The following CLVS1 variants were observed in gnomAD, a reference collection of about 807,000 sequenced individuals.
The protein encoded by CLVS1 is clavesin 1, also known as clavesin-1.
In CLVS1, 10 loss-of-function variants were observed where a neutral mutation model predicts 33.1. That is an observed-to-expected ratio of 0.30 (90% CI 0.19 to 0.51). The LOEUF (loss-of-function observed/expected upper bound fraction) is 0.51, where lower values mean the gene tolerates loss of function less well. CLVS1 is among the 20% of genes least tolerant of loss of function. The pLI is 0.97. For synonymous variants in CLVS1, 163 were observed against 166.1 expected, an observed-to-expected ratio of 0.98 and a Z score of 0.14; for missense variants, 343 against 433.4, an observed-to-expected ratio of 0.79 and a Z score of 1.85.
chr8:61,329,743 G>A (rs148706510), intron 2 of CLVS1, among the ~76,000 whole-genome samples: 1 of 152,128 alleles, frequency 6.6e-6, no homozygotes, highest in Non-Finnish European at 1.5e-5. Context: ...TTATAGTTGA[G>A]TCACATTAAA....
chr8:61,251,048 G>T (rs899134775), intron 2 of CLVS1, among the ~76,000 whole-genome samples: 1 of 152,066 alleles, frequency 6.6e-6, no homozygotes, highest in Non-Finnish European at 1.5e-5. Context: ...ATTGGCTGTG[G>T]GTTTGTCATA....
At chr8:61,033,119 G>A in the CLVS1 span, among the ~76,000 whole-genome samples, 52 of 49,448 alleles carry the variant, frequency 1.1e-3, 5 homozygotes, top group Admixed American at 3.7e-3. Flanking sequence ...AAGAAGGAAG[G>A]AAGAAAGGAA....
chr8:61,485,796 G>A (rs999582786), intron 5 of CLVS1, among the ~76,000 whole-genome samples: 1 of 152,162 alleles, frequency 6.6e-6, no homozygotes, highest in African/African-American at 2.4e-5. Context: ...TCCTTTGTAG[G>A]AACATGGATG....
At chr8:61,497,763 G>T (rs1322797823) in intron 5 of CLVS1, among the ~76,000 whole-genome samples, 1 of 152,198 alleles carries the variant, frequency 6.6e-6, no homozygotes, top group Non-Finnish European at 1.5e-5. Flanking sequence ...CTACACCATA[G>T]AAAGAGCAGC....
At chr8:61,072,357 T>C (rs1332112363) in intron 1 of CLVS1, among the ~76,000 whole-genome samples, 5 of 152,242 alleles carry the variant, frequency 3.3e-5, no homozygotes, top group Admixed American at 6.5e-5. Context: ...GTGTAAAATA[T>C]GAAAAGTAAA....
In CLVS1 at chr8:61,143,298, G is replaced by A. The variant is rs563335779; in HGVS notation, c.-152+11438G>A. Among the ~76,000 whole-genome samples, 4 of 152,278 alleles carry A rather than the reference G, an allele frequency of 2.6e-5. No homozygotes were observed. In the South Asian group the frequency reaches 8.3e-4, roughly 32 times the overall value. ...GGTGACCGTACAGTCAACACAATAA[G>A]CCCCAGGATTCGCACTGTGGTCCAG... On this transcript the variant is annotated intron_variant, in intron 2 of 2. Coordinates refer to the CLVS1 transcript ENST00000522621.
the CLVS1 span, among the ~76,000 whole-genome samples, chr8:60,969,113 G>A: frequency 1.9e-4 from 29 of 152,318 alleles, no homozygotes; most frequent in African/African-American, 6.3e-4. Context: ...AAGGCACTCA[G>A]TGTACAGCCT....
chr8:61,136,616 A>G (rs1806194498), intron 2 of CLVS1, among the ~76,000 whole-genome samples: 2 of 152,214 alleles, frequency 1.3e-5, no homozygotes, highest in Admixed American at 6.5e-5. Flanking sequence ...TCTCACTTAC[A>G]TGTGGGTGCT....
In CLVS1 at chr8:61,387,569, G is replaced by A. The variant is rs144935841; in HGVS notation, c.630+10790G>A. Reference sequence around the variant, plus strand: ...TAGTGGTGATTTCTGAGATTTTGGTGCACCCATCACCCGAGCAGTGTACAC... The same window carrying A: ...TAGTGGTGATTTCTGAGATTTTGGTACACCCATCACCCGAGCAGTGTACAC... On this transcript the variant is annotated intron_variant, in intron 3 of 5. Transcript: ENST00000325897. Among the ~76,000 whole-genome samples the A allele has an allele frequency of 8.1e-3, 1,203 of 148,140 alleles. 19 individuals are homozygous for A. Among genetic ancestry groups the A allele is most frequent in the African/African-American group, 0.028 (1,128 of 40,234 alleles).
At chr8:61,302,534 A>G (rs1173435835) in intron 2 of CLVS1, among the ~76,000 whole-genome samples, 1 of 152,166 alleles carries the variant, frequency 6.6e-6, no homozygotes, top group Non-Finnish European at 1.5e-5. Context: ...AAACATATAG[A>G]TGGCTCACTC....
intron 2 of CLVS1, among the ~76,000 whole-genome samples, chr8:61,312,118 G>C (rs1810851436): frequency 6.6e-6 from 1 of 152,168 alleles, no homozygotes. Context: ...AGGAAAGCAA[G>C]TTTTGTCCCC....
At chr8:60,989,609 C>T in the CLVS1 span, among the ~76,000 whole-genome samples, 1 of 152,138 alleles carries the variant, frequency 6.6e-6, no homozygotes, top group East Asian at 1.9e-4. Context: ...TGTGCCAGGG[C>T]AAGTAATGTG....
chr8:61,397,104 A>G (rs963131645), intron 3 of CLVS1, among the ~76,000 whole-genome samples: 4 of 152,152 alleles, frequency 2.6e-5, no homozygotes, highest in East Asian at 1.9e-4. Flanking sequence ...ATTTTGAGAA[A>G]CTGTCAAACC....
At chr8:61,065,364 C>G (rs778939801) in intron 1 of CLVS1, among the ~76,000 whole-genome samples, 1 of 151,682 alleles carries the variant, frequency 6.6e-6, no homozygotes, top group Non-Finnish European at 1.5e-5. Flanking sequence ...TTTTTTGATG[C>G]TTGCTTGGTT....
At chr8:61,163,739 C>T (rs1253734548) in intron 2 of CLVS1, among the ~76,000 whole-genome samples, 7 of 152,294 alleles carry the variant, frequency 4.6e-5, no homozygotes, top group South Asian at 2.1e-4. Context: ...TCTATTAGGA[C>T]GAACCCGGGC....
chr8:61,355,586 C>G (rs1049066225), intron 2 of CLVS1, among the ~76,000 whole-genome samples: 11 of 152,118 alleles, frequency 7.2e-5, no homozygotes, highest in African/African-American at 2.4e-4. Context: ...CACAACAGTC[C>G]CCAGAGCCTG....
At chr8:61,158,413 G>C (rs1350055909) in intron 2 of CLVS1, among the ~76,000 whole-genome samples, 2 of 152,150 alleles carry the variant, frequency 1.3e-5, no homozygotes, top group African/African-American at 4.8e-5. Flanking sequence ...GTACATTTAA[G>C]ATCTGAGCAC....
intron 2 of CLVS1, among the ~76,000 whole-genome samples, chr8:61,348,266 G>A (rs1388722892): frequency 1.3e-5 from 2 of 148,390 alleles, no homozygotes; most frequent in African/African-American, 2.5e-5. Context: ...TCAATCATAG[G>A]TGGGAATTGA....
intron 2 of CLVS1, among the ~76,000 whole-genome samples, chr8:61,303,564 G>T (rs1317773770): frequency 6.6e-6 from 1 of 152,182 alleles, no homozygotes; most frequent in Non-Finnish European, 1.5e-5. Context: ...TTCAAACTGT[G>T]CAATATTATT....
Sources: allele counts gnomAD v4.1 joint callset (sites outside exome capture counted in the v4.1 genomes callset), GRCh38; gene constraint gnomAD v4.1.1; transcripts MANE v1.5; gene names NCBI Gene and HGNC (gene_info 2026-07-23, HGNC 2026-07-21).